IQGAP2: variants seen among roughly 807,000 people sequenced by gnomAD.
IQGAP2 encodes the protein ras GTPase-activating-like protein IQGAP2.
A neutral mutation model predicts 201.3 loss-of-function variants in IQGAP2; 173 were observed. That is an observed-to-expected ratio of 0.86 (90% CI 0.76 to 0.98). The LOEUF is 0.98. Among genes scored for constraint, IQGAP2 ranks in the 50% least tolerant of loss-of-function variants. IQGAP2 has a pLI of 0.00. For synonymous variants in IQGAP2, 675 were observed against 673.9 expected (o/e 1.00, Z -0.03); for missense variants, 1,687 against 1,864.8 (o/e 0.90, Z 1.76).
intron 2 of IQGAP2, among the ~76,000 whole-genome samples, chr5:76,509,372 A>T (rs1268736607): frequency 6.6e-6 from 1 of 151,586 alleles, no homozygotes; most frequent in Non-Finnish European, 1.5e-5. Flanking sequence ...AGTACTTGCC[A>T]ATTTGTTTTT....
At position 76,683,907 on chromosome 5, in the gene IQGAP2, C is replaced by T. The variant is rs147002427; in HGVS notation, c.3895C>T (p.Leu1299Phe). 2.2e-5 allele frequency: 35 copies of T among 1,609,894 alleles called. No homozygotes were observed. In the East Asian group the frequency reaches 4.7e-4, roughly 22 times the overall value. ...EDGEAIDSRS[L>F]MIKTKKLIID... ...CGGTGAAGCTATAGATAGCCGAAGC[C>T]TCATGATAAAGTAAGTTTGGGGGTT... Residue 1299 changes from leucine to phenylalanine, a missense_variant, in exon 30 of 36, where the codon CTC becomes TTC. Coordinates refer to ENST00000274364, the MANE Select transcript of IQGAP2 (RefSeq NM_006633.5).
At chr5:76,621,470 A>G (rs1174631469) in intron 13 of IQGAP2, among the ~76,000 whole-genome samples, 1 of 152,232 alleles carries the variant, frequency 6.6e-6, no homozygotes, top group Non-Finnish European at 1.5e-5. Context: ...AAGTTCTTGC[A>G]TCTGACATCA....
intron 10 of IQGAP2, among the ~76,000 whole-genome samples, chr5:76,598,156 A>G (rs1253332638): frequency 6.6e-6 from 1 of 152,248 alleles, no homozygotes; most frequent in Admixed American, 6.5e-5. Flanking sequence ...AGCAGAACCA[A>G]GAATTCAGCA....
At chr5:76,493,556 G>GTGTC (rs1756695152) in intron 2 of IQGAP2, among the ~76,000 whole-genome samples, 1 of 152,134 alleles carries the variant, frequency 6.6e-6, no homozygotes, top group African/African-American at 2.4e-5. Flanking sequence ...CTGCCATGAT[G>GTGTC]TGTCATTTGC....
intron 1 of IQGAP2, among the ~76,000 whole-genome samples, chr5:76,435,991 G>T (rs2150097111): frequency 6.6e-6 from 1 of 152,108 alleles, no homozygotes; most frequent in East Asian, 1.9e-4. Context: ...TTGTAAAAGG[G>T]ATTGAGCTCT....
Position 76,663,687 on chromosome 5 carries a change from A to G in IQGAP2, c.2530-1339A>G, listed in dbSNP as rs927055770. ...GTTGCCAGTACCACAGGCATGAGCC[A>G]CCACACCTGGCTTATTTTTAAAATT... On this transcript the variant is annotated intron_variant, in intron 21 of 35. Coordinates refer to ENST00000274364, the MANE Select transcript of IQGAP2 (RefSeq NM_006633.5). Among the ~76,000 whole-genome samples the G allele has an allele frequency of 3.5e-5, 5 of 141,070 alleles. No individual in the cohort carries two copies. In the East Asian group the frequency reaches 1.1e-3, roughly 30 times the overall value. The allele number at this position is 141,070 out of a possible 152,430, so 92.5% of individuals were successfully genotyped here.
rs539818213 is a variant in IQGAP2, at chr5:76,599,546, T to C, written c.1072-1266T>C. On this transcript the variant is annotated intron_variant, in intron 10 of 35. Transcript: ENST00000274364. ...TATAAACGATTCCATTCTGCTCTTA[T>C]AATTTGATACTTTGTATGTTAAACT... Among the ~76,000 whole-genome samples the C allele has an allele frequency of 6.6e-5, 10 of 152,344 alleles. No individual in the cohort carries two copies. In the South Asian group the frequency reaches 2.1e-3, roughly 32 times the overall value.
At chr5:76,661,828 T>C (rs965762862) in intron 21 of IQGAP2, among the ~76,000 whole-genome samples, 9 of 152,164 alleles carry the variant, frequency 5.9e-5, no homozygotes, top group Non-Finnish European at 1.2e-4. Flanking sequence ...AAGCCCTTCA[T>C]ACTAGCCCAC....
rs34833676 is a variant in IQGAP2, at chr5:76,589,708, T to A, written c.620T>A (p.Leu207Gln). Residue 207 changes from leucine (L) to glutamine (Q), a missense_variant, in exon 7 of 36, where the codon CTG (leucine) becomes CAG (glutamine). By Grantham distance (113) the Leu-to-Gln change is moderately radical. Coordinates refer to ENST00000274364, the MANE Select transcript of IQGAP2 (RefSeq NM_006633.5). ...SKIGGILANELSVDEAALHAA... is the reference protein window; with the variant it reads ...SKIGGILANEQSVDEAALHAA... ...ATAGGTGGTATTCTGGCCAATGAAC[T>A]GTCCGTGGATGAAGCTGCATGTAAG... 2 of 1,598,968 alleles carry A rather than the reference T, an allele frequency of 1.3e-6. No individual in the cohort carries two copies. Among genetic ancestry groups the A allele is most frequent in the Non-Finnish European group, 1.7e-6 (2 of 1,172,250 alleles).
intron 28 of IQGAP2, among the ~76,000 whole-genome samples, chr5:76,680,637 A>T (rs1169077359): frequency 6.6e-6 from 1 of 151,600 alleles, no homozygotes; most frequent in African/African-American, 2.4e-5. Flanking sequence ...AATAGGAAAA[A>T]AAAATTAGCT....
chr5:76,474,004 G>T (rs1755270372), intron 2 of IQGAP2, among the ~76,000 whole-genome samples: 1 of 152,194 alleles, frequency 6.6e-6, no homozygotes, highest in Non-Finnish European at 1.5e-5. Flanking sequence ...GTCACAGAAT[G>T]ATTTCTTTGT....
At chr5:76,700,025 C>T in intron 33 of IQGAP2, among the ~76,000 whole-genome samples, 1 of 150,164 alleles carries the variant, frequency 6.7e-6, no homozygotes, top group Non-Finnish European at 1.5e-5. Context: ...ATATAGTGTG[C>T]ATATGCACTT....
Position 76,674,019 on chromosome 5 carries a change from G to A in IQGAP2, c.3277G>A (p.Glu1093Lys), listed in dbSNP as rs2150491072. The A allele has an allele frequency of 6.2e-7, 1 of 1,604,712 alleles. No homozygotes were observed. Among genetic ancestry groups the A allele is most frequent in the Non-Finnish European group, 8.5e-7 (1 of 1,171,526 alleles). Residue 1093 changes from glutamate to lysine, a missense_variant, in exon 26 of 36, where the codon GAA becomes AAA. Glu to Lys is a moderately conservative substitution (Grantham distance 56). Coordinates refer to ENST00000274364, the MANE Select transcript of IQGAP2 (RefSeq NM_006633.5). ...CCATGAGAAATTCCCCGATGCAACAGAAGATGAGCTATTAAAGGTAGATTT... is the reference window on the plus strand; with the variant it reads ...CCATGAGAAATTCCCCGATGCAACAAAAGATGAGCTATTAAAGGTAGATTT... ...SIHEKFPDAT[E>K]DELLKIVGNL...
At chr5:76,406,010 G>A (rs1433631278) in intron 1 of IQGAP2, among the ~76,000 whole-genome samples, 1 of 152,192 alleles carries the variant, frequency 6.6e-6, no homozygotes, top group African/African-American at 2.4e-5. Flanking sequence ...CTTTTTGGTA[G>A]TTTGAATTAA....
intron 30 of IQGAP2, among the ~76,000 whole-genome samples, chr5:76,688,704 A>G (rs1745998504): frequency 6.6e-6 from 1 of 152,188 alleles, no homozygotes; most frequent in South Asian, 2.1e-4. Flanking sequence ...GGGCCCAAGC[A>G]TTTTGAAAAA....
chr5:76,493,559 T>C (rs1205288764), intron 2 of IQGAP2, among the ~76,000 whole-genome samples: 4 of 152,220 alleles, frequency 2.6e-5, no homozygotes, highest in Admixed American at 6.5e-5. Flanking sequence ...CCATGATGTG[T>C]CATTTGCTGT....
chr5:76,596,600 A>G (rs1466380551), intron 9 of IQGAP2, among the ~76,000 whole-genome samples: 2 of 152,198 alleles, frequency 1.3e-5, no homozygotes, highest in Non-Finnish European at 2.9e-5. Flanking sequence ...AGAGTTCTGC[A>G]TGTCTGAAGG....
At chr5:76,690,290 G>A (rs567744084) in intron 30 of IQGAP2, among the ~76,000 whole-genome samples, 6 of 152,224 alleles carry the variant, frequency 3.9e-5, no homozygotes, top group Non-Finnish European at 8.8e-5. Context: ...AAGGGACTGA[G>A]TGGTTTCACT....
Position 76,606,182 on chromosome 5 carries a change from T to C in IQGAP2, c.1236T>C (p.Tyr412=), listed in dbSNP as rs766747222. ...NNLDKAYVER[Y]ANTLLSVKLE... is the part of the protein sequence containing the mutation. The stretch of plus-strand genomic sequence containing the variant: ...AAGATTATTTTCTCTTCCACAGTTA[T>C]GCAAACACACTACTCTCTGTTAAAC... Residue 412 remains tyrosine, a synonymous_variant, in exon 12 of 36, where the codon TAT becomes TAC. Coordinates refer to ENST00000274364, the MANE Select transcript of IQGAP2 (RefSeq NM_006633.5). The C allele has an allele frequency of 5.0e-6, 8 of 1,593,658 alleles. No individual in the cohort carries two copies. The highest frequency in any genetic ancestry group is 1.2e-5 in the South Asian group (1 of 85,670).
Sources: gnomAD v4.1 joint callset for allele counts (sites outside exome capture counted in the v4.1 genomes callset) on GRCh38, gnomAD v4.1.1 for gene constraint, MANE v1.5 for transcripts, NCBI Gene and HGNC (gene_info 2026-07-23, HGNC 2026-07-21) for gene names.